VBP1: variants seen among roughly 807,000 people sequenced by gnomAD.
The protein encoded by VBP1 is prefoldin subunit 3.
A neutral mutation model predicts 15.5 loss-of-function variants in VBP1; 4 were observed. That is an observed-to-expected ratio of 0.26 (90% CI 0.13 to 0.59). VBP1 has a LOEUF of 0.59. Among genes scored for constraint, VBP1 ranks in the 20% least tolerant of loss-of-function variants. The pLI, the probability that VBP1 is intolerant of heterozygous loss-of-function variation, is 0.90. For missense variants in VBP1, 108 were observed against 139.6 expected (o/e 0.77, Z 1.14); for synonymous variants, 61 against 52.1 (o/e 1.17, Z -0.74).
chrX:155,205,752 C>T (rs896383616), intron 1 of VBP1, among the ~76,000 whole-genome samples: 1 of 111,667 alleles, frequency 9.0e-6, no homozygotes, highest in Non-Finnish European at 1.9e-5. Flanking sequence ...TCTCCTGACA[C>T]TCCTGCCTTG....
At chrX:155,227,204 A>C in intron 2 of VBP1, 31 bp from the exon 3 acceptor site, 8 of 1,173,777 alleles carry the variant, frequency 6.8e-6, no homozygotes, top group Non-Finnish European at 9.2e-6. Flanking sequence ...TTGCCTGCAA[A>C]ATACTAAGTT....
At chrX:155,200,809 A>G (rs2074600128) in intron 1 of VBP1, among the ~76,000 whole-genome samples, 1 of 111,050 alleles carries the variant, frequency 9.0e-6, no homozygotes, top group Admixed American at 9.6e-5. Flanking sequence ...CAAAAAGTTA[A>G]TGAATCCAGG....
In VBP1 at chrX:155,202,814, A is replaced by T. The variant is rs782060438; in HGVS notation, c.-31+5675A>T. 1.9e-3 allele frequency among the ~76,000 whole-genome samples: 211 copies of T among 110,151 alleles called. 2 individuals are homozygous for T. The highest frequency in any genetic ancestry group is 2.9e-3 in the Non-Finnish European group (154 of 52,732). On this transcript the variant is annotated intron_variant, in intron 1 of 6. Transcript: ENST00000535916. ...AGCAAAAGAAACTACCATCAGAGTG[A>T]ACAGGCAACCTACAAAATGGGAGAA...
At chrX:155,236,818 A>G (rs1221147958) in intron 5 of VBP1, among the ~76,000 whole-genome samples, 1 of 112,451 alleles carries the variant, frequency 8.9e-6, no homozygotes, top group African/African-American at 3.2e-5. Flanking sequence ...TCCCAAGACA[A>G]CTTTATAACT....
At chrX:155,230,293 C>G (rs2074739347) in intron 4 of VBP1, among the ~76,000 whole-genome samples, 1 of 111,729 alleles carries the variant, frequency 9.0e-6, no homozygotes, top group Non-Finnish European at 1.9e-5. Context: ...TTTGAAAGAC[C>G]TTATCTCCAA....
At chrX:155,203,771 A>T (rs1490547317) in intron 1 of VBP1, among the ~76,000 whole-genome samples, 3 of 109,099 alleles carry the variant, frequency 2.7e-5, no homozygotes, top group East Asian at 5.6e-4. Flanking sequence ...ATAATAAAAT[A>T]AAAAAAAGAA....
At chrX:155,222,536 A>T (rs1557309688) in intron 2 of VBP1, among the ~76,000 whole-genome samples, 1 of 111,740 alleles carries the variant, frequency 8.9e-6, no homozygotes, top group East Asian at 2.8e-4. Context: ...GAGAGGGGGA[A>T]ATTTGCGTAT....
rs2124106430 is a variant in VBP1, at chrX:155,239,023, T to G, written c.*181T>G. On this transcript the variant is annotated 3_prime_UTR_variant, in exon 6 of 6. Transcript: ENST00000286428. ...CAAATATTTTTGACATTGTGATTTT[T>G]TTTTCCACATTTCTCAGCAAAGCTA... 3.0e-6 allele frequency: 1 copy of G among 336,697 alleles called. No homozygotes were observed. The highest frequency in any genetic ancestry group is 8.0e-5 in the South Asian group (1 of 12,448). The allele number at this position is 336,697 out of a possible 1,213,427, so 27.7% of individuals were successfully genotyped here.
intron 5 of VBP1, 109 bp from the exon 6 acceptor site, chrX:155,238,663 A>T (rs2074785256): frequency 1.3e-5 from 7 of 545,335 alleles, no homozygotes; most frequent in Non-Finnish European, 2.1e-5. Context: ...GTATTTGTAT[A>T]TGTTTCATTT....
At position 155,227,118 on chromosome X, in the gene VBP1, T is replaced by C. The variant is rs781915485; in HGVS notation, c.219-117T>C. 2.0e-3 allele frequency: 614 copies of C among 306,890 alleles called. 2 individuals are homozygous for C. The highest frequency in any genetic ancestry group is 2.9e-3 in the Non-Finnish European group (513 of 176,580). The allele number at this position is 306,890 out of a possible 1,213,427, so 25.3% of individuals were successfully genotyped here. ...ATATCTAAAAATATCTTAAGTATTT[T>C]ATATCTATAAATAGTCCTCAAGAAC... On this transcript the variant is annotated intron_variant, in intron 2 of 5. Coordinates refer to ENST00000286428, the MANE Select transcript of VBP1 (RefSeq NM_003372.7).
exon 1 of VBP1, chrX:155,197,023 T>C (rs1262897893): frequency 3.6e-5 from 4 of 111,929 alleles, no homozygotes; most frequent in African/African-American, 1.3e-4. Flanking sequence ...CAGCTTTTCA[T>C]CTGCTGTGTT....
At chrX:155,216,612 G>C in intron 1 of VBP1, 37 bp downstream of exon 1, 1 of 1,165,322 alleles carries the variant, frequency 8.6e-7, no homozygotes, top group Non-Finnish European at 1.1e-6. Context: ...CTTGGCTTGA[G>C]GCCTTGGACT....
In VBP1 at chrX:155,223,122, T is replaced by G. The variant is rs782613802; in HGVS notation, c.218+2815T>G. On this transcript the variant is annotated intron_variant, in intron 2 of 5. Transcript: ENST00000286428. ...TTTACATGCTAGCCTTTTTGTTTTTTTTTTTTTTCAATTTGCTATTATTTT... is the reference window on the plus strand; with the variant it reads ...TTTACATGCTAGCCTTTTTGTTTTTGTTTTTTTTCAATTTGCTATTATTTT... 2.7e-5 allele frequency among the ~76,000 whole-genome samples: 3 copies of G among 109,512 alleles called. No individual in the cohort carries two copies. In the East Asian group the frequency reaches 8.4e-4, roughly 31 times the overall value.
chrX:155,205,511 A>C (rs782662717), intron 1 of VBP1, among the ~76,000 whole-genome samples: 1 of 111,339 alleles, frequency 9.0e-6, no homozygotes, highest in East Asian at 2.8e-4. Flanking sequence ...AATGGCCTTT[A>C]TTTTCAGAAT....
chrX:155,199,945 C>A (rs1175534573), intron 1 of VBP1, among the ~76,000 whole-genome samples: 1 of 109,405 alleles, frequency 9.1e-6, no homozygotes, highest in Non-Finnish European at 1.9e-5. Context: ...CAAAAAAAGG[C>A]AGGGGTTGCA....
Position 155,216,482 on chromosome X carries a change from G to T in VBP1, c.-1G>T, listed in dbSNP as rs2074664214. On this transcript the variant is annotated 5_prime_UTR_variant, in exon 1 of 6. Coordinates refer to ENST00000286428, the MANE Select transcript of VBP1 (RefSeq NM_003372.7). Reference sequence around the variant, plus strand: ...GGCAGTCGCGCGCTCGCATCCCCAAGATGGCGGCCGTTAAGGACAGTTGTG... The same window carrying T: ...GGCAGTCGCGCGCTCGCATCCCCAATATGGCGGCCGTTAAGGACAGTTGTG... 1.7e-6 allele frequency: 2 copies of T among 1,166,676 alleles called. No individual in the cohort carries two copies. Among genetic ancestry groups the T allele is most frequent in the African/African-American group, 3.6e-5 (2 of 55,990 alleles).
At chrX:155,223,784 C>T (rs1401120611) in intron 2 of VBP1, among the ~76,000 whole-genome samples, 1 of 103,970 alleles carries the variant, frequency 9.6e-6, no homozygotes, top group Non-Finnish European at 2.0e-5. Context: ...CGGGCAGAGG[C>T]ACCCCCCCAC....
At chrX:155,219,201 T>C (rs2074678102) in intron 1 of VBP1, among the ~76,000 whole-genome samples, 1 of 112,173 alleles carries the variant, frequency 8.9e-6, no homozygotes, top group South Asian at 3.7e-4. Context: ...GTGAAGATCT[T>C]AGAAGCTATA....
At chrX:155,221,255 C>T (rs1156892925) in intron 2 of VBP1, among the ~76,000 whole-genome samples, 2 of 111,039 alleles carry the variant, frequency 1.8e-5, no homozygotes, top group Admixed American at 9.6e-5. Flanking sequence ...TTGCTTGAGC[C>T]CGGGAGGCGA....
Sources: gnomAD v4.1 joint callset for allele counts (sites outside exome capture counted in the v4.1 genomes callset) on GRCh38, gnomAD v4.1.1 for gene constraint, MANE v1.5 for transcripts, NCBI Gene and HGNC (gene_info 2026-07-23, HGNC 2026-07-21) for gene names.